The following CLEC4D variants were observed in gnomAD, a reference collection of about 807,000 sequenced individuals.
CLEC4D encodes C-type (calcium dependent, carbohydrate-recognition domain) lectin, superfamily member 8.
A neutral mutation model predicts 21.1 loss-of-function variants in CLEC4D; 21 were observed. The ratio of observed to expected loss-of-function variants is 1.00; its 90% CI spans 0.71 to 1.43. The LOEUF (loss-of-function observed/expected upper bound fraction) is 1.43, where lower values mean the gene tolerates loss of function less well. CLEC4D is among the 40% of genes most tolerant of loss of function. The pLI is 0.00. For synonymous variants in CLEC4D, 85 were observed against 83.1 expected (o/e 1.02, Z -0.12); for missense variants, 289 against 260.7 (o/e 1.11, Z -0.75).
chr12:8,530,524 C>A, the CLEC4D span, among the ~76,000 whole-genome samples: 1 of 145,924 alleles, frequency 6.9e-6, no homozygotes, highest in African/African-American at 2.5e-5. Context: ...TTTGAACAAA[C>A]ATATCTAGAA....
chr12:8,514,686 T>C (rs1012882719), intron 1 of CLEC4D, among the ~76,000 whole-genome samples: 8 of 152,158 alleles, frequency 5.3e-5, no homozygotes, highest in African/African-American at 1.9e-4. Flanking sequence ...TGCATGTACT[T>C]AATTTACTTA....
downstream of CLEC4D, among the ~76,000 whole-genome samples, chr12:8,525,305 A>G (rs891270503): frequency 6.6e-6 from 1 of 152,174 alleles, no homozygotes; most frequent in African/African-American, 2.4e-5. Flanking sequence ...GGGGTGTTAA[A>G]GTCTCCCACT....
chr12:8,518,248 A>T lies in CLEC4D; in HGVS notation c.206A>T (p.Glu69Val), dbSNP rs761337324. ...CATGCAAAGCTCAAATGCATCAAAG[A>T]GAAATCAGAACTGAAAAGTGCTGAA... is the stretch of plus-strand genomic sequence containing the variant. ...EHHAKLKCIK[E>V]KSELKSAEGS... The change falls in exon 3 of 6, where the codon GAG (glutamate) becomes GTG (valine). Residue 69 changes from glutamate to valine, a missense_variant. Physicochemically the swap from Glu to Val is moderately radical, Grantham distance 121. Coordinates refer to ENST00000299665, the MANE Select transcript of CLEC4D (RefSeq NM_080387.5). The T allele has an allele frequency of 7.6e-7, 1 of 1,313,512 alleles. No individual in the cohort carries two copies. The highest frequency in any genetic ancestry group is 1.1e-6 in the Non-Finnish European group (1 of 906,694). 81.4% of individuals were successfully genotyped at this position (1,313,512 alleles called of 1,614,324 possible).
In CLEC4D at chr12:8,521,277, C is replaced by A. The variant is rs1249493536; in HGVS notation, c.*6C>A. The stretch of plus-strand genomic sequence containing the variant: ...CTGGAACAACATTGAACTAGAAACT[C>A]AGAAAGTGGTCCTTGTGATGGAAAG... On this transcript the variant is annotated 3_prime_UTR_variant, in exon 6 of 6. Transcript: ENST00000299665. 4 of 1,602,542 alleles carry A rather than the reference C, an allele frequency of 2.5e-6. No homozygotes were observed. The Admixed American group carries it at 7.0e-5, about 28-fold the overall frequency.
At chr12:8,520,394 T>C (rs1384328763) in intron 5 of CLEC4D, 53 bp downstream of exon 5, 1 of 1,577,734 alleles carries the variant, frequency 6.3e-7, no homozygotes, top group Non-Finnish European at 8.7e-7. Context: ...TAGAAGATGG[T>C]AGCAAGAAAC....
downstream of CLEC4D, among the ~76,000 whole-genome samples, chr12:8,523,049 G>C (rs1292144007): frequency 6.6e-6 from 1 of 152,084 alleles, no homozygotes; most frequent in Non-Finnish European, 1.5e-5. Context: ...GTGCTTCATT[G>C]GTCTATATGT....
rs114656588 is a variant in CLEC4D, at chr12:8,518,257, A to G, written c.215A>G (p.Glu72Gly). 2.0e-4 allele frequency: 249 copies of G among 1,237,920 alleles called. 1 individual carries two copies. The African/African-American group carries it at 3.1e-3, about 16-fold the overall frequency. 76.7% of individuals were successfully genotyped at this position (1,237,920 alleles called of 1,614,324 possible). The part of the protein sequence containing the change: ...AKLKCIKEKS[E>G]LKSAEGSTWN... ...CTCAAATGCATCAAAGAGAAATCAG[A>G]ACTGAAAAGTGCTGAAGGTACAGAG... The change falls in exon 3 of 6, where the codon GAA (glutamate) becomes GGA (glycine). Residue 72 changes from glutamate to glycine, a missense_variant. By Grantham distance (98) the Glu-to-Gly change is moderately conservative (BLOSUM62 -2). Coordinates refer to ENST00000299665, the MANE Select transcript of CLEC4D (RefSeq NM_080387.5).
chr12:8,520,311 T>A lies in CLEC4D; in HGVS notation c.470T>A (p.Val157Glu). Residue 157 changes from valine to glutamate, a missense_variant, in exon 5 of 6, where the codon GTG becomes GAG. By Grantham distance (121) the Val-to-Glu change is moderately radical. Transcript: ENST00000299665. ...AATGCCAAAGGTCAGTGGCGTTGGG[T>A]GGACCAGACGCCATTTAACCCACGC... ...DENAKGQWRW[V>E]DQTPFNPRRV... 1 of 1,613,998 alleles carries A rather than the reference T, an allele frequency of 6.2e-7. No homozygotes were observed. The highest frequency in any genetic ancestry group is 8.5e-7 in the Non-Finnish European group (1 of 1,179,876).
chr12:8,528,567 A>G, the CLEC4D span, among the ~76,000 whole-genome samples: 1 of 152,198 alleles, frequency 6.6e-6, no homozygotes, highest in East Asian at 1.9e-4. Flanking sequence ...CAAGACAAAG[A>G]CAGTAATTTC....
rs929507483 is a variant in CLEC4D, at chr12:8,520,295, G to A, written c.454G>A (p.Gly152Ser). 1.2e-6 allele frequency: 2 copies of A among 1,613,908 alleles called. No homozygotes were observed. Among genetic ancestry groups the A allele is most frequent in the African/African-American group, 1.3e-5 (1 of 74,920 alleles). Residue 152 changes from glycine to serine, a missense_variant, in exon 5 of 6, where the codon GGT becomes AGT. By Grantham distance (56) the Gly-to-Ser change is moderately conservative. Transcript: ENST00000299665. Reference sequence around the variant, plus strand: ...TGGACTTAGAGATGAGAATGCCAAAGGTCAGTGGCGTTGGGTGGACCAGAC... The same window carrying A: ...TGGACTTAGAGATGAGAATGCCAAAAGTCAGTGGCGTTGGGTGGACCAGAC... ...FLGLRDENAK[G>S]QWRWVDQTPF...
At position 8,513,646 on chromosome 12, in the gene CLEC4D, C is replaced by T; in HGVS notation, c.-87C>T. 2.7e-6 allele frequency: 2 copies of T among 745,348 alleles called. No individual in the cohort carries two copies. The highest frequency in any genetic ancestry group is 4.9e-6 in the Non-Finnish European group (2 of 410,816). The allele number at this position is 745,348 out of a possible 1,614,324, so 46.2% of individuals were successfully genotyped here. On this transcript the variant is annotated 5_prime_UTR_variant, in exon 1 of 6. Transcript: ENST00000299665. ...GATCTCAAGTATTTCTGAATATATT[C>T]CCCTATCCACAGAAATATACTCTGG...
At chr12:8,513,816 A>G in intron 1 of CLEC4D, 56 bp downstream of exon 1, 1 of 827,904 alleles carries the variant, frequency 1.2e-6, no homozygotes, top group Non-Finnish European at 2.1e-6. Context: ...ATACTAATTT[A>G]AAACATATGA....
At chr12:8,528,546 C>G in the CLEC4D span, among the ~76,000 whole-genome samples, 11 of 152,194 alleles carry the variant, frequency 7.2e-5, no homozygotes, top group Non-Finnish European at 8.8e-5. Context: ...GGCACCTCAT[C>G]ACAATCTCTT....
chr12:8,521,545 A>G lies in CLEC4D; in HGVS notation c.*274A>G. 2.2e-6 allele frequency: 1 copy of G among 444,576 alleles called. No individual in the cohort carries two copies. 27.5% of individuals were successfully genotyped at this position (444,576 alleles called of 1,614,324 possible). A position where few individuals can be genotyped will look rare whatever the true frequency, so the allele number is the denominator to read the frequency against. ...TAGTATTTCAAGGTGTTTACTTTTC[A>G]ATTGGTGTGCACTGAATGCATGTAT... On this transcript the variant is annotated 3_prime_UTR_variant, in exon 6 of 6. Coordinates refer to ENST00000299665, the MANE Select transcript of CLEC4D (RefSeq NM_080387.5).
At chr12:8,529,602 G>A in the CLEC4D span, among the ~76,000 whole-genome samples, 1 of 152,092 alleles carries the variant, frequency 6.6e-6, no homozygotes, top group African/African-American at 2.4e-5. Flanking sequence ...GGGACGGAGT[G>A]AGATCCTGTC....
chr12:8,520,207 A>G lies in CLEC4D; in HGVS notation c.385-19A>G, dbSNP rs761484217. ...CACCTGATTCATGCAACTATATTAA[A>G]ATTTACATTTTTATGCAGAACTTTA... On this transcript the variant is annotated intron_variant, in intron 4 of 5. Coordinates refer to ENST00000299665, the MANE Select transcript of CLEC4D (RefSeq NM_080387.5). 2.9e-5 allele frequency: 47 copies of G among 1,612,268 alleles called. 2 individuals carry two copies. The South Asian group carries it at 4.7e-4, about 16-fold the overall frequency.
At chr12:8,524,614 G>A (rs1054234154), downstream of CLEC4D, among the ~76,000 whole-genome samples, 4 of 152,096 alleles carry the variant, frequency 2.6e-5, no homozygotes, top group East Asian at 3.9e-4. Context: ...CTAGCTAGTC[G>A]TCTATCTACT....
chr12:8,515,758 G>C (rs757235328), intron 2 of CLEC4D, among the ~76,000 whole-genome samples: 2 of 150,994 alleles, frequency 1.3e-5, no homozygotes, highest in Non-Finnish European at 3.0e-5. Flanking sequence ...CCTCTTTATT[G>C]ATGTACGATT....
downstream of CLEC4D, among the ~76,000 whole-genome samples, chr12:8,524,899 T>C (rs887415910): frequency 2.6e-5 from 4 of 152,202 alleles, no homozygotes; most frequent in Admixed American, 2.0e-4. Flanking sequence ...GTACATTGTA[T>C]CTTTGTTCTC....
Sources: allele counts gnomAD v4.1 joint callset (sites outside exome capture counted in the v4.1 genomes callset), GRCh38; gene constraint gnomAD v4.1.1; transcripts MANE v1.5; gene names NCBI Gene and HGNC (gene_info 2026-07-23, HGNC 2026-07-21).